The following KMT2A variants were observed in gnomAD, a reference collection of about 807,000 sequenced individuals.
The protein encoded by KMT2A is histone-lysine N-methyltransferase 2A.
Under a neutral mutation model 345.3 loss-of-function variants are expected in KMT2A, and 16 were observed. The ratio of observed to expected loss-of-function variants is 0.05; its 90% CI spans 0.03 to 0.07. The LOEUF is 0.07. KMT2A is among the 10% of genes least tolerant of loss of function. The probability of loss-of-function intolerance (pLI) is 1.00; values close to 1 mark genes in which losing one functional copy is unlikely to be tolerated. For missense variants in KMT2A, 3,272 were observed against 4,841.6 expected, an observed-to-expected ratio of 0.68 and a Z score of 9.62; for synonymous variants, 1,599 against 1,778.6, an observed-to-expected ratio of 0.90 and a Z score of 2.54.
At position 118,476,682 on chromosome 11, in the gene KMT2A, A is replaced by C; in HGVS notation, c.3157-123A>C. On this transcript the variant is annotated intron_variant, in intron 3 of 35. Coordinates refer to ENST00000534358, the MANE Select transcript of KMT2A (RefSeq NM_001197104.2). This position sits in a 1 kb window ranked among gnomAD's most constrained non-coding sequence, Gnocchi z 4.1. ...TTTTGATATGATTTATCAGCTGGGA[A>C]TAATTAGAGTTGTGTGTTTTGATTC... is the stretch of plus-strand genomic sequence containing the variant. 1.4e-6 allele frequency: 1 copy of C among 732,238 alleles called. No individual in the cohort carries two copies. Among genetic ancestry groups the C allele is most frequent in the Non-Finnish European group, 2.2e-6 (1 of 448,446 alleles). The allele number at this position is 732,238 out of a possible 1,614,324, so 45.4% of individuals were successfully genotyped here. A position where few individuals can be genotyped will look rare whatever the true frequency, so the allele number is the denominator to read the frequency against.
intron 1 of KMT2A, among the ~76,000 whole-genome samples, chr11:118,459,962 T>C (rs1949715196): frequency 6.6e-6 from 1 of 152,186 alleles, no homozygotes; most frequent in African/African-American, 2.4e-5. Flanking sequence ...CCCAAAGTGC[T>C]GGGATTACAG....
Position 118,520,697 on chromosome 11 carries a change from G to T in KMT2A, c.11430-105G>T. ...ATTTTATAAGGCACTCGTTCAGTTT[G>T]GCATTAAACAAAGAGTGTACTAATT... On this transcript the variant is annotated intron_variant, in intron 33 of 35. Transcript: ENST00000534358. This position sits in a 1 kb window ranked among gnomAD's most constrained non-coding sequence, Gnocchi z 4.3. 2.5e-6 allele frequency: 2 copies of T among 787,876 alleles called. No individual in the cohort carries two copies. Among genetic ancestry groups the T allele is most frequent in the Non-Finnish European group, 4.3e-6 (2 of 462,772 alleles). The allele number at this position is 787,876 out of a possible 1,614,324, so 48.8% of individuals were successfully genotyped here. A position where few individuals can be genotyped will look rare whatever the true frequency, so the allele number is the denominator to read the frequency against.
At position 118,505,388 on chromosome 11, in the gene KMT2A, C is replaced by G. The variant is rs1274839055; in HGVS notation, c.9496C>G (p.His3166Asp). The change falls in exon 27 of 36, where the codon CAT becomes GAT. Residue 3166 changes from histidine to aspartate, a missense_variant. Coordinates refer to ENST00000534358, the MANE Select transcript of KMT2A (RefSeq NM_001197104.2). This position sits in a 1 kb window ranked among gnomAD's most constrained non-coding sequence, Gnocchi z 4.6. Reference protein sequence around the residue: ...LLPMSHHQHLHSFPAATQSSF... With the variant: ...LLPMSHHQHLDSFPAATQSSF... ...ACCCATGTCTCATCACCAGCACTTA[C>G]ATTCCTTCCCTGCAGCTACTCAAAG... is the stretch of plus-strand genomic sequence containing the variant. 4 of 1,614,172 alleles carry G rather than the reference C, an allele frequency of 2.5e-6. No homozygotes were observed. Among genetic ancestry groups the G allele is most frequent in the Non-Finnish European group, 2.5e-6 (3 of 1,180,008 alleles).
In KMT2A at chr11:118,506,412, C is replaced by A. The variant is rs782178264; in HGVS notation, c.10520C>A (p.Ala3507Asp). The A allele has an allele frequency of 6.2e-7, 1 of 1,614,214 alleles. No individual in the cohort carries two copies. The highest frequency in any genetic ancestry group is 1.1e-5 in the South Asian group (1 of 91,080). ...GAGCAGAACAAGGCTTTATCCTCAG[C>A]TGTGCAAGCCAGCCCCACCTCTCCT... ...GLEQNKALSSAVQASPTSPGG... is the reference protein window; with the variant it reads ...GLEQNKALSSDVQASPTSPGG... Residue 3507 changes from alanine (A) to aspartate (D), a missense_variant, in exon 27 of 36, where the codon GCT becomes GAT. Around this residue, in one of 27 missense-constraint regions of KMT2A, gnomAD observed 748 missense variants for 922.2 expected, o/e 0.81. Transcript: ENST00000534358.
chr11:118,438,997 TGAAAGGC>T, intron 1 of KMT2A: 1 of 479,458 alleles, frequency 2.1e-6, no homozygotes, highest in Admixed American at 2.2e-5. Flanking sequence ...TATTTTTTTT[TGAAAGGC>T]CAATTCTGTA....
intron 1 of KMT2A, among the ~76,000 whole-genome samples, chr11:118,446,353 G>GAAAGA (rs553717686): frequency 4.1e-4 from 63 of 152,138 alleles, no homozygotes; most frequent in Middle Eastern, 6.8e-3. Flanking sequence ...TGTCTCAAAA[G>GAAAGA]AAAGAAAAGA....
intron 6 of KMT2A, 140 bp from the exon 7 acceptor site, chr11:118,481,575 T>A (rs1179584034): frequency 1.3e-5 from 11 of 854,412 alleles, no homozygotes; most frequent in Non-Finnish European, 1.8e-5. Context: ...AGTGCAGATA[T>A]CTCTTTGATA....
chr11:118,517,147 T>A (rs4938512), intron 31 of KMT2A, among the ~76,000 whole-genome samples: 1 of 152,098 alleles, frequency 6.6e-6, no homozygotes, highest in East Asian at 1.9e-4. Flanking sequence ...TGTAATCCCA[T>A]CACTTTGGGA....
chr11:118,525,141 A>G lies in KMT2A; in HGVS notation c.*2969A>G, dbSNP rs1479049064. 4.4e-6 allele frequency: 1 copy of G among 228,672 alleles called. No individual in the cohort carries two copies. The highest frequency in any genetic ancestry group is 8.7e-6 in the Non-Finnish European group (1 of 115,048). 14.2% of individuals were successfully genotyped at this position (228,672 alleles called of 1,614,324 possible). ...GCTATCTCCAAACACATCTGAGTTC[A>G]TTTCAAAAGTGACCAAGGGAATCTC... On this transcript the variant is annotated 3_prime_UTR_variant, in exon 36 of 36. Transcript: ENST00000534358.
Position 118,526,190 on chromosome 11 carries a change from A to G in KMT2A, c.*4018A>G, listed in dbSNP as rs1407398232. The G allele has an allele frequency of 4.6e-6, 1 of 216,258 alleles. No homozygotes were observed. The highest frequency in any genetic ancestry group is 2.3e-5 in the African/African-American group (1 of 44,434). The allele number at this position is 216,258 out of a possible 1,614,324, so 13.4% of individuals were successfully genotyped here. ...AATGGTAGAACAGTCCATTCCTCGG[A>G]TCAGAGAAAAATGCAGACATGGTGT... On this transcript the variant is annotated 3_prime_UTR_variant, in exon 36 of 36. Transcript: ENST00000534358.
At chr11:118,482,648 G>A (rs1950154525) in intron 8 of KMT2A, among the ~76,000 whole-genome samples, 153 bp downstream of exon 8, 1 of 151,870 alleles carries the variant, frequency 6.6e-6, no homozygotes, top group Non-Finnish European at 1.5e-5. Context: ...GGTGGCTCAC[G>A]CTGGTAATCC....
intron 5 of KMT2A, among the ~76,000 whole-genome samples, chr11:118,478,815 A>T (rs1309224093): frequency 3.9e-5 from 6 of 152,048 alleles, no homozygotes; most frequent in Non-Finnish European, 8.8e-5. Flanking sequence ...GAGTGCAGTG[A>T]CATGATCATA....
At chr11:118,487,501 C>T (rs543119165) in intron 10 of KMT2A, among the ~76,000 whole-genome samples, 1 of 152,212 alleles carries the variant, frequency 6.6e-6, no homozygotes, top group South Asian at 2.1e-4. Flanking sequence ...ATTCTAAGTA[C>T]CCCTCACCCA....
At chr11:118,500,052 C>A in intron 24 of KMT2A, 139 bp downstream of exon 24, 1 of 594,074 alleles carries the variant, frequency 1.7e-6, no homozygotes, top group East Asian at 2.9e-5. Flanking sequence ...TTTGCTAGTT[C>A]TCGGATTCGT....
chr11:118,500,900 A>AAAAT, intron 24 of KMT2A, 87 bp from the exon 25 acceptor site: 3 of 812,908 alleles, frequency 3.7e-6, no homozygotes, highest in Non-Finnish European at 5.8e-6. Context: ...GGGCCAGGGA[A>AAAAT]CCTAGGATAA....
At chr11:118,474,719 T>C (rs1416873185) in intron 3 of KMT2A, among the ~76,000 whole-genome samples, 7 of 152,170 alleles carry the variant, frequency 4.6e-5, no homozygotes, top group Non-Finnish European at 1.0e-4. Context: ...TACATTTTAA[T>C]AGTCAAATTG....
intron 31 of KMT2A, among the ~76,000 whole-genome samples, chr11:118,516,742 C>T (rs782047771): frequency 5.9e-5 from 9 of 152,194 alleles, no homozygotes; most frequent in Non-Finnish European, 1.0e-4. Context: ...ACAAGCAGAA[C>T]AGATTGTTCC....
intron 31 of KMT2A, among the ~76,000 whole-genome samples, chr11:118,514,328 T>C (rs1950759113): frequency 6.6e-6 from 1 of 152,236 alleles, no homozygotes; most frequent in Non-Finnish European, 1.5e-5. Context: ...CGAGGTCCTC[T>C]TCAGCCGGAT....
rs1375084340 is a variant in KMT2A, at chr11:118,505,063, T to C, written c.9171T>C (p.Pro3057=). ...QKYVPNSTDS[P]GPSQISNAAV... ...ATGTGCCCAATTCTACTGATAGTCC[T>C]GGCCCGTCTCAGATTTCCAATGCAG... is the stretch of plus-strand genomic sequence containing the variant. The change falls in exon 27 of 36, where the codon CCT becomes CCC. Residue 3057 remains proline (P), a synonymous_variant. Transcript: ENST00000534358. This position sits in a 1 kb window ranked among gnomAD's most constrained non-coding sequence, Gnocchi z 4.6. 1 of 1,614,168 alleles carries C rather than the reference T, an allele frequency of 6.2e-7. No individual in the cohort carries two copies. The highest frequency in any genetic ancestry group is 1.7e-5 in the Admixed American group (1 of 60,018).
Sources: gnomAD v4.1 joint callset for allele counts (sites outside exome capture counted in the v4.1 genomes callset) on GRCh38, gnomAD v4.1.1 for gene constraint, gnomAD v4.1.1 regional missense constraint, Gnocchi (gnomAD v3.1) non-coding constraint, MANE v1.5 for transcripts, NCBI Gene and HGNC (gene_info 2026-07-23, HGNC 2026-07-21) for gene names.